Variants in SCHIP1 observed in about 807,000 individuals in gnomAD.
SCHIP1 encodes the protein schwannomin-interacting protein 1.
SCHIP1 carries 8 observed loss-of-function variants against 29.7 expected under a neutral mutation model. That is an observed-to-expected ratio of 0.27 (90% confidence interval 0.16 to 0.49). SCHIP1 has a LOEUF of 0.49. Among genes scored for constraint, SCHIP1 ranks in the 20% least tolerant of loss-of-function variants. The pLI is 0.99. For synonymous variants in SCHIP1, 76 were observed against 94.9 expected (o/e 0.80, Z 1.16); for missense variants, 193 against 294.6 (o/e 0.66, Z 2.52).
the SCHIP1 span, among the ~76,000 whole-genome samples, chr3:159,491,647 C>G: frequency 6.6e-6 from 1 of 152,262 alleles, no homozygotes; most frequent in Non-Finnish European, 1.5e-5. Flanking sequence ...CTCAAGGAGG[C>G]CTGCCTGCCT....
At chr3:159,544,881 T>C in the SCHIP1 span, among the ~76,000 whole-genome samples, 3 of 152,128 alleles carry the variant, frequency 2.0e-5, no homozygotes, top group Admixed American at 6.6e-5. Flanking sequence ...TTTTCATATA[T>C]GGTATCTTTT....
At chr3:159,556,087 C>T in the SCHIP1 span, among the ~76,000 whole-genome samples, 1 of 151,942 alleles carries the variant, frequency 6.6e-6, no homozygotes. Flanking sequence ...AACAAACAAC[C>T]ACATCAAAAA....
intron 5 of SCHIP1, among the ~76,000 whole-genome samples, chr3:159,889,815 G>A (rs1717311851): frequency 6.6e-6 from 1 of 152,194 alleles, no homozygotes; most frequent in Admixed American, 6.5e-5. Context: ...AAGAAAAGCT[G>A]GCCGGGCGCG....
chr3:159,484,379 C>T, the SCHIP1 span, among the ~76,000 whole-genome samples: 1 of 152,102 alleles, frequency 6.6e-6, no homozygotes, highest in Non-Finnish European at 1.5e-5. Context: ...TATTTTCAGG[C>T]AATCCGTGTA....
chr3:159,400,965 C>G, the SCHIP1 span, among the ~76,000 whole-genome samples: 6 of 152,224 alleles, frequency 3.9e-5, no homozygotes, highest in Non-Finnish European at 5.9e-5. Flanking sequence ...TGTTAATGAA[C>G]ATAATAATAG....
the SCHIP1 span, among the ~76,000 whole-genome samples, chr3:159,461,203 AC>A: frequency 9.2e-5 from 14 of 152,224 alleles, no homozygotes; most frequent in African/African-American, 3.4e-4. Context: ...TTCATCTTCA[AC>A]TATCCTCTCT....
chr3:159,584,143 CT>C, the SCHIP1 span, among the ~76,000 whole-genome samples: 1 of 152,140 alleles, frequency 6.6e-6, no homozygotes, highest in Non-Finnish European at 1.5e-5. Flanking sequence ...CATTTTGGTT[CT>C]TTGAGTGCTG....
chr3:159,515,991 T>C, the SCHIP1 span, among the ~76,000 whole-genome samples: 1 of 149,316 alleles, frequency 6.7e-6, no homozygotes, highest in African/African-American at 2.5e-5. Context: ...GATAAAGAAT[T>C]GGGGGGGAAT....
chr3:159,476,783 C>A, the SCHIP1 span, among the ~76,000 whole-genome samples: 3 of 151,940 alleles, frequency 2.0e-5, no homozygotes, highest in Admixed American at 1.3e-4. Flanking sequence ...AACATATATA[C>A]CCTCATGTAT....
chr3:159,784,574 T>C, the SCHIP1 span, among the ~76,000 whole-genome samples: 36 of 152,372 alleles, frequency 2.4e-4, no homozygotes, highest in Middle Eastern at 3.4e-3. Context: ...TGACGTGGGC[T>C]TTCCCGTCAG....
Position 159,896,720 on chromosome 3 carries a change from C to T in SCHIP1, c.684-3C>T, listed in dbSNP as rs766309181. 6.2e-7 allele frequency: 1 copy of T among 1,601,020 alleles called. No homozygotes were observed. The highest frequency in any genetic ancestry group is 1.1e-5 in the South Asian group (1 of 88,350). ...CTAAATAATTGTATTAATTGTTTTA[C>T]AGACATGCTGAAAGTCAGCAGAAGC... On this transcript the variant is annotated splice_polypyrimidine_tract_variant and splice_region_variant and intron_variant, in intron 6 of 6. Transcript: ENST00000445224.
At chr3:159,789,317 G>C in the SCHIP1 span, among the ~76,000 whole-genome samples, 17 of 152,320 alleles carry the variant, frequency 1.1e-4, no homozygotes, top group African/African-American at 4.1e-4. Flanking sequence ...GTCATCAACT[G>C]ATTGGATGAG....
At chr3:159,643,738 T>G in the SCHIP1 span, among the ~76,000 whole-genome samples, 7,617 of 152,198 alleles carry the variant, frequency 0.05, 246 homozygotes, top group Non-Finnish European at 0.074. Flanking sequence ...CTCTGACTCA[T>G]TTTTTCCTAT....
the SCHIP1 span, among the ~76,000 whole-genome samples, chr3:159,803,719 A>T: frequency 2.0e-5 from 3 of 152,218 alleles, no homozygotes; most frequent in South Asian, 6.2e-4. Flanking sequence ...AGGGAAGTGT[A>T]TGTATACATT....
the SCHIP1 span, among the ~76,000 whole-genome samples, chr3:159,638,087 T>C: frequency 6.6e-6 from 1 of 152,196 alleles, no homozygotes. Flanking sequence ...AATAGTCTCA[T>C]GTTCTCAAGT....
the SCHIP1 span, among the ~76,000 whole-genome samples, chr3:159,665,059 G>A: frequency 4.6e-5 from 7 of 152,112 alleles, no homozygotes; most frequent in African/African-American, 1.7e-4. Flanking sequence ...ATCACCGGGG[G>A]GACTTTGAAT....
chr3:159,624,419 G>C, the SCHIP1 span, among the ~76,000 whole-genome samples: 1 of 152,070 alleles, frequency 6.6e-6, no homozygotes, highest in Non-Finnish European at 1.5e-5. Context: ...TGCCTTTAAC[G>C]GGCAAAGGTA....
At chr3:159,565,922 G>T in the SCHIP1 span, among the ~76,000 whole-genome samples, 1 of 152,122 alleles carries the variant, frequency 6.6e-6, no homozygotes, top group Non-Finnish European at 1.5e-5. Flanking sequence ...AAAATTCACA[G>T]TAGGATAATC....
chr3:159,523,419 T>C, the SCHIP1 span, among the ~76,000 whole-genome samples: 48 of 152,346 alleles, frequency 3.2e-4, no homozygotes, highest in African/African-American at 1.1e-3. Context: ...GAAGTTTATT[T>C]CTTAAAGAAT....
Sources: gnomAD v4.1 joint callset for allele counts (sites outside exome capture counted in the v4.1 genomes callset) on GRCh38, gnomAD v4.1.1 for gene constraint, MANE v1.5 for transcripts, NCBI Gene and HGNC (gene_info 2026-07-23, HGNC 2026-07-21) for gene names.